Variants in ADAM12 observed in about 807,000 individuals in gnomAD.
ADAM12 encodes ADAM metallopeptidase domain 12.
ADAM12 carries 70 observed loss-of-function variants against 106.4 expected under a neutral mutation model. That is an observed-to-expected ratio of 0.66 (90% CI 0.54 to 0.80). The LOEUF (loss-of-function observed/expected upper bound fraction) is 0.80. Ranked by LOEUF, ADAM12 falls within the 30% of genes least tolerant of loss-of-function variation. ADAM12 has a pLI of 0.00. For synonymous variants in ADAM12, 420 were observed against 433.5 expected (o/e 0.97, Z 0.39); for missense variants, 1,010 against 1,171.9 (o/e 0.86, Z 2.02).
chr10:126,042,968 C>A, intron 18 of ADAM12, 72 bp downstream of exon 18: 1 of 1,448,670 alleles, frequency 6.9e-7, no homozygotes. Context: ...TGCACCCATG[C>A]TGACAGCTGG....
intron 2 of ADAM12, among the ~76,000 whole-genome samples, chr10:126,285,631 T>C (rs570646009): frequency 6.6e-6 from 1 of 152,340 alleles, no homozygotes; most frequent in African/African-American, 2.4e-5. Flanking sequence ...AGACTGATAC[T>C]GCATTTACTC....
intron 3 of ADAM12, among the ~76,000 whole-genome samples, chr10:126,157,310 T>C (rs919947232): frequency 2.0e-5 from 3 of 152,160 alleles, no homozygotes; most frequent in Admixed American, 2.0e-4. Context: ...CCGCCTCTCC[T>C]CCTCCTCATA....
At chr10:126,126,130 G>A (rs919310610) in intron 5 of ADAM12, among the ~76,000 whole-genome samples, 13 of 152,144 alleles carry the variant, frequency 8.5e-5, no homozygotes, top group African/African-American at 3.1e-4. Context: ...CAGCCATACA[G>A]CCAATCAGCA....
chr10:126,365,386 T>C (rs1346780685), intron 1 of ADAM12, among the ~76,000 whole-genome samples: 1 of 152,150 alleles, frequency 6.6e-6, no homozygotes, highest in Non-Finnish European at 1.5e-5. Flanking sequence ...GTAACAATAA[T>C]GCCACTAGCT....
intron 3 of ADAM12, among the ~76,000 whole-genome samples, chr10:126,264,321 G>A (rs76838849): frequency 0.037 from 5,695 of 152,232 alleles, 196 homozygotes; most frequent in African/African-American, 0.077. Context: ...AAATCCTCTA[G>A]GCCAGTTGAA....
At chr10:126,207,757 G>C (rs1800731963) in intron 3 of ADAM12, among the ~76,000 whole-genome samples, 2 of 152,114 alleles carry the variant, frequency 1.3e-5, no homozygotes, top group African/African-American at 2.4e-5. Context: ...TTATTTAAAT[G>C]GTTGCTCGAA....
chr10:126,233,479 A>C (rs1958353670), intron 3 of ADAM12, among the ~76,000 whole-genome samples: 1 of 152,088 alleles, frequency 6.6e-6, no homozygotes, highest in Admixed American at 6.5e-5. Context: ...AAGAGAGAAA[A>C]GTAGAGAGGC....
At chr10:126,198,355 TTACACAACCA>T (rs1957636539) in intron 3 of ADAM12, among the ~76,000 whole-genome samples, 12 of 152,298 alleles carry the variant, frequency 7.9e-5, no homozygotes, top group Non-Finnish European at 1.0e-4. Context: ...ACGACAGAAT[TTACACAACCA>T]GGAGAGAGAC....
Position 126,348,954 on chromosome 10 carries a change from C to G in ADAM12, c.89-18445G>C, listed in dbSNP as rs1209509818. Among the ~76,000 whole-genome samples the G allele has an allele frequency of 2.0e-5, 3 of 152,176 alleles. No individual in the cohort carries two copies. The South Asian group carries it at 6.2e-4, about 32-fold the overall frequency. ...GGGAGTCCTGTTTTATCTGGCAATC[C>G]TAGGTCCATGCTTCCTTGAATGGTT... On this transcript the variant is annotated intron_variant, in intron 1 of 22. Transcript: ENST00000448723.
chr10:126,331,057 A>T lies in ADAM12; in HGVS notation c.89-548T>A, dbSNP rs201569741. Among the ~76,000 whole-genome samples, 20 of 152,324 alleles carry T rather than the reference A, an allele frequency of 1.3e-4. No individual in the cohort carries two copies. In the East Asian group the frequency reaches 1.7e-3, roughly 13 times the overall value. ...GACTGACTAGACTGGTTTATGTTTT[A>T]AAAAAATCAAGTCATTCAATAAACT... On this transcript the variant is annotated intron_variant, in intron 1 of 22. Transcript: ENST00000448723.
intron 3 of ADAM12, among the ~76,000 whole-genome samples, chr10:126,174,514 T>C (rs1957182189): frequency 6.6e-6 from 1 of 152,048 alleles, no homozygotes; most frequent in Non-Finnish European, 1.5e-5. Flanking sequence ...CCTATATTTT[T>C]ATTAACAACT....
chr10:126,375,261 AAAAG>A (rs200148877), intron 1 of ADAM12, among the ~76,000 whole-genome samples: 1,525 of 152,000 alleles, frequency 0.01, 38 homozygotes, highest in African/African-American at 0.035. Context: ...TAAAAAAAAA[AAAAG>A]AAAGAAAGAA....
chr10:126,090,612 A>G (rs1955445730), intron 11 of ADAM12: 1 of 152,212 alleles, frequency 6.6e-6, no homozygotes, highest in African/African-American at 2.4e-5. Context: ...GTTTAGAGAC[A>G]TAAAACACAC....
intron 4 of ADAM12, 117 bp downstream of exon 4, chr10:126,155,110 G>C: frequency 8.9e-7 from 1 of 1,120,272 alleles, no homozygotes; most frequent in Non-Finnish European, 1.3e-6. Flanking sequence ...AGCGCTTCTT[G>C]GGGGGGCCTA....
chr10:126,049,725 A>G lies in ADAM12; in HGVS notation c.1610-56T>C, dbSNP rs1954426773. On this transcript the variant is annotated intron_variant, in intron 14 of 22. Coordinates refer to ENST00000448723, the MANE Select transcript of ADAM12 (RefSeq NM_001288973.2). This position sits in a 1 kb window ranked among gnomAD's most constrained non-coding sequence, Gnocchi z 4.4. ...TCCTGCAGGTGATTTTTTTTTTTTCATGGCTGTAGGCCTCTCAAATGGTTA... is the reference window on the plus strand; with the variant it reads ...TCCTGCAGGTGATTTTTTTTTTTTCGTGGCTGTAGGCCTCTCAAATGGTTA... 2 of 1,395,148 alleles carry G rather than the reference A, an allele frequency of 1.4e-6. No individual in the cohort carries two copies. The allele number at this position is 1,395,148 out of a possible 1,614,324, so 86.4% of individuals were successfully genotyped here.
intron 2 of ADAM12, among the ~76,000 whole-genome samples, chr10:126,304,887 G>A (rs1322512900): frequency 6.6e-6 from 1 of 151,860 alleles, no homozygotes; most frequent in East Asian, 1.9e-4. Flanking sequence ...ACCACAATGA[G>A]ATACCAATAT....
intron 3 of ADAM12, among the ~76,000 whole-genome samples, chr10:126,243,349 G>A (rs532845789): frequency 6.6e-6 from 1 of 152,272 alleles, no homozygotes; most frequent in South Asian, 2.1e-4. Context: ...ATTTTAACCA[G>A]AGCAAACCTT....
intron 21 of ADAM12, among the ~76,000 whole-genome samples, chr10:126,021,244 A>G (rs1395536643): frequency 6.6e-6 from 1 of 152,156 alleles, no homozygotes; most frequent in African/African-American, 2.4e-5. Context: ...GAACACCCCT[A>G]ATAACCAAGT....
At chr10:126,017,735 G>GT (rs544090113) in intron 22 of ADAM12, among the ~76,000 whole-genome samples, 346 of 152,278 alleles carry the variant, frequency 2.3e-3, no homozygotes, top group Non-Finnish European at 3.3e-3. Flanking sequence ...TCAAAATACA[G>GT]TAAGACTTTT....
Sources: gnomAD v4.1 joint callset for allele counts (sites outside exome capture counted in the v4.1 genomes callset) on GRCh38, gnomAD v4.1.1 for gene constraint, Gnocchi (gnomAD v3.1) non-coding constraint, MANE v1.5 for transcripts, NCBI Gene and HGNC (gene_info 2026-07-23, HGNC 2026-07-21) for gene names.